AUTS2: variants seen among roughly 807,000 people sequenced by gnomAD.
AUTS2 encodes autism susceptibility gene 2 protein.
AUTS2 carries 17 observed loss-of-function variants against 112.4 expected under a neutral mutation model. That is an observed-to-expected ratio of 0.15 (90% CI 0.10 to 0.23). AUTS2 has a LOEUF of 0.23. Among genes scored for constraint, AUTS2 ranks in the 10% least tolerant of loss-of-function variants. AUTS2 has a pLI of 1.00. For missense variants in AUTS2, 1,510 were observed against 1,701.6 expected (o/e 0.89, Z 1.98); for synonymous variants, 751 against 702.7 (o/e 1.07, Z -1.09).
intron 2 of AUTS2, among the ~76,000 whole-genome samples, chr7:69,949,155 A>G (rs573762141): frequency 6.6e-6 from 1 of 152,292 alleles, no homozygotes; most frequent in South Asian, 2.1e-4. Context: ...ATTTGCACTT[A>G]TCTACCATTA....
intron 4 of AUTS2, among the ~76,000 whole-genome samples, chr7:70,162,958 GT>G: frequency 6.6e-6 from 1 of 152,284 alleles, no homozygotes; most frequent in Non-Finnish European, 1.5e-5. Flanking sequence ...TATAACGGCT[GT>G]GTTTATTTGG....
intron 1 of AUTS2, among the ~76,000 whole-genome samples, chr7:69,774,195 T>G (rs898277069): frequency 6.6e-6 from 1 of 152,142 alleles, no homozygotes; most frequent in Non-Finnish European, 1.5e-5. Context: ...GAGGATTGCT[T>G]GAGGCCAGAA....
chr7:69,994,684 A>G (rs1209381250), intron 2 of AUTS2, among the ~76,000 whole-genome samples: 2 of 152,140 alleles, frequency 1.3e-5, no homozygotes, highest in Non-Finnish European at 2.9e-5. Flanking sequence ...CGGGTAACAG[A>G]TTATCTGCTA....
rs192458585 is a variant in AUTS2, at chr7:69,728,577, T to C, written c.309+128615T>C. Among the ~76,000 whole-genome samples, 322 of 152,204 alleles carry C rather than the reference T, an allele frequency of 2.1e-3. 3 individuals carry two copies. Among genetic ancestry groups the C allele is most frequent in the East Asian group, 0.013 (66 of 5,180 alleles). ...GGTAGTTCAGTCAGAAGTGATGTTT[T>C]CCCAAAAGGCTTTAAAGAAAAACGG... On this transcript the variant is annotated intron_variant, in intron 1 of 18. Transcript: ENST00000342771.
In AUTS2 at chr7:69,849,587, A is replaced by T. The variant is rs565557916; in HGVS notation, c.310-49699A>T. 2.0e-5 allele frequency among the ~76,000 whole-genome samples: 3 copies of T among 152,038 alleles called. No homozygotes were observed. The East Asian group carries it at 5.8e-4, about 29-fold the overall frequency. On this transcript the variant is annotated intron_variant, in intron 1 of 18. Coordinates refer to ENST00000342771, the MANE Select transcript of AUTS2 (RefSeq NM_015570.4). ...TCTGCCTTCCATCTTTATAAATTTT[A>T]TTCATTTAAAAATTATATAAATGTT...
At chr7:70,455,443 C>T (rs1283440669) in intron 5 of AUTS2, among the ~76,000 whole-genome samples, 1 of 152,072 alleles carries the variant, frequency 6.6e-6, no homozygotes, top group East Asian at 1.9e-4. Flanking sequence ...TGTTAGCAAG[C>T]CAAATATGAC....
At chr7:70,647,808 C>G (rs1454719753) in intron 5 of AUTS2, among the ~76,000 whole-genome samples, 1 of 152,216 alleles carries the variant, frequency 6.6e-6, no homozygotes, top group Non-Finnish European at 1.5e-5. Context: ...TGCATGCGCA[C>G]ATTTTGGAAT....
At position 70,418,761 on chromosome 7, in the gene AUTS2, C is replaced by A. The variant is rs549850113; in HGVS notation, c.661-16991C>A. Among the ~76,000 whole-genome samples, 454 of 149,326 alleles carry A rather than the reference C, an allele frequency of 3.0e-3. 3 individuals carry two copies. The highest frequency in any genetic ancestry group is 0.011 in the African/African-American group (430 of 40,942). Reference sequence around the variant, plus strand: ...AAAATAATATGTAATCGTTAAAGATCAAAAACGACAGTAAATGTAAAGATG... The same window carrying A: ...AAAATAATATGTAATCGTTAAAGATAAAAAACGACAGTAAATGTAAAGATG... On this transcript the variant is annotated intron_variant, in intron 4 of 18. Transcript: ENST00000342771.
chr7:70,418,702 G>A (rs567776954), intron 4 of AUTS2, among the ~76,000 whole-genome samples: 17 of 151,720 alleles, frequency 1.1e-4, no homozygotes, highest in South Asian at 1.1e-3. Context: ...TTTACATGCC[G>A]TTGTGCATGT....
At chr7:69,936,721 G>A (rs905901855) in intron 2 of AUTS2, among the ~76,000 whole-genome samples, 1 of 152,106 alleles carries the variant, frequency 6.6e-6, no homozygotes, top group African/African-American at 2.4e-5. Context: ...ACTTAAATAT[G>A]ATTATATCCA....
intron 5 of AUTS2, among the ~76,000 whole-genome samples, chr7:70,509,297 A>C (rs907058245): frequency 3.3e-5 from 5 of 152,234 alleles, no homozygotes; most frequent in African/African-American, 4.8e-5. Flanking sequence ...TGGGAATCCC[A>C]TAAGTCCATT....
chr7:70,282,252 A>G (rs1293759066), intron 4 of AUTS2, among the ~76,000 whole-genome samples: 1 of 152,202 alleles, frequency 6.6e-6, no homozygotes. Context: ...CCAGTTCCAA[A>G]GCCACTTCTG....
intron 5 of AUTS2, among the ~76,000 whole-genome samples, chr7:70,553,934 AT>A (rs370170345): frequency 3.4e-5 from 5 of 146,402 alleles, no homozygotes; most frequent in African/African-American, 2.5e-5. Context: ...CACCCAACTC[AT>A]TTTTTTTTGT....
At position 70,171,913 on chromosome 7, in the gene AUTS2, G is replaced by T. The variant is rs553149919; in HGVS notation, c.660+37342G>T. ...AAACAAGTTTTTTTTTTTGGGGGGGGGTAGTTTTTCCCTCCTTCTTTTCTT... is the reference window on the plus strand; with the variant it reads ...AAACAAGTTTTTTTTTTTGGGGGGGTGTAGTTTTTCCCTCCTTCTTTTCTT... On this transcript the variant is annotated intron_variant, in intron 4 of 18. Transcript: ENST00000342771. Among the ~76,000 whole-genome samples, 15 of 151,304 alleles carry T rather than the reference G, an allele frequency of 9.9e-5. No homozygotes were observed. The South Asian group carries it at 1.3e-3, about 13-fold the overall frequency.
chr7:70,665,883 A>G (rs765677340), intron 5 of AUTS2, among the ~76,000 whole-genome samples: 32 of 152,210 alleles, frequency 2.1e-4, no homozygotes, highest in Non-Finnish European at 1.0e-4. Context: ...CACATATACC[A>G]AGGGACAACT....
intron 4 of AUTS2, among the ~76,000 whole-genome samples, chr7:70,396,191 C>G (rs1794072526): frequency 6.6e-6 from 1 of 152,156 alleles, no homozygotes; most frequent in African/African-American, 2.4e-5. Context: ...GTCCCCATCT[C>G]CTTTGTGGTC....
At position 69,916,076 on chromosome 7, in the gene AUTS2, A is replaced by G. The variant is rs567884982; in HGVS notation, c.522+16578A>G. Reference sequence around the variant, plus strand: ...TAGTGAGTATACTGATGGGAGATTGAACAATTACGTGATCTCAGGAGTAGA... The same window carrying G: ...TAGTGAGTATACTGATGGGAGATTGGACAATTACGTGATCTCAGGAGTAGA... On this transcript the variant is annotated intron_variant, in intron 2 of 18. Coordinates refer to ENST00000342771, the MANE Select transcript of AUTS2 (RefSeq NM_015570.4). Among the ~76,000 whole-genome samples, 5 of 152,350 alleles carry G rather than the reference A, an allele frequency of 3.3e-5. No homozygotes were observed. In the South Asian group the frequency reaches 1.0e-3, roughly 32 times the overall value.
At chr7:69,988,573 A>C (rs989965348) in intron 2 of AUTS2, among the ~76,000 whole-genome samples, 1 of 128,460 alleles carries the variant, frequency 7.8e-6, no homozygotes, top group Non-Finnish European at 1.6e-5. Flanking sequence ...TGTCTGTTTT[A>C]TGCATTGCTT....
chr7:70,427,703 G>GTAGT (rs1233653629), intron 4 of AUTS2, among the ~76,000 whole-genome samples: 1 of 152,204 alleles, frequency 6.6e-6, no homozygotes, highest in African/African-American at 2.4e-5. Flanking sequence ...CTAGCACATA[G>GTAGT]TAGTTACCTG....
Sources: gnomAD v4.1 joint callset for allele counts (sites outside exome capture counted in the v4.1 genomes callset) on GRCh38, gnomAD v4.1.1 for gene constraint, MANE v1.5 for transcripts, NCBI Gene and HGNC (gene_info 2026-07-23, HGNC 2026-07-21) for gene names.